The following KCNJ12 variants were observed in gnomAD, a reference collection of about 807,000 sequenced individuals.
KCNJ12 encodes the protein potassium inwardly rectifying channel subfamily J member 12.
KCNJ12 carries 2 observed loss-of-function variants against 22.3 expected under a neutral mutation model. The observed-to-expected ratio is 0.09, with a 90% CI of 0.04 to 0.28. KCNJ12 has a LOEUF of 0.28. Among genes scored for constraint, KCNJ12 ranks in the 10% least tolerant of loss-of-function variants. KCNJ12 has a pLI of 1.00. For synonymous variants in KCNJ12, 117 were observed against 261.4 expected, an observed-to-expected ratio of 0.45 and a Z score of 5.33; for missense variants, 155 against 633.3, an observed-to-expected ratio of 0.24 and a Z score of 8.11.
chr17:21,415,774 C>T lies in KCNJ12; in HGVS notation c.432C>T (p.Ile144=), dbSNP rs555222028. 1.1e-5 allele frequency: 18 copies of T among 1,613,254 alleles called. No homozygotes were observed. Among genetic ancestry groups the T allele is most frequent in the South Asian group, 7.7e-5 (7 of 91,058 alleles). ...FLFSIETQTT[I]GYGLRCVTEE... ...TCTCCATCGAGACGCAGACCACCAT[C>T]GGCTACGGGCTGCGCTGTGTGACGG... The change falls in exon 3 of 3, where the codon ATC becomes ATT. Residue 144 remains isoleucine, a synonymous_variant. Transcript: ENST00000583088.
intron 1 of KCNJ12, among the ~76,000 whole-genome samples, chr17:21,382,156 A>G (rs903449258): frequency 2.6e-5 from 4 of 152,092 alleles, no homozygotes; most frequent in African/African-American, 9.7e-5. Flanking sequence ...GGAGTGCTTT[A>G]TATCTGTACC....
intron 2 of KCNJ12, among the ~76,000 whole-genome samples, chr17:21,409,425 C>T (rs1466873868): frequency 1.3e-5 from 2 of 152,302 alleles, no homozygotes; most frequent in African/African-American, 4.8e-5. Context: ...AAGGTTCCAG[C>T]GCAAGTAGTT....
chr17:21,382,910 G>A (rs781826362), intron 1 of KCNJ12, among the ~76,000 whole-genome samples: 18 of 152,236 alleles, frequency 1.2e-4, no homozygotes, highest in South Asian at 2.1e-4. Flanking sequence ...ACAGGAGGGT[G>A]CGACGTGACA....
intron 1 of KCNJ12, among the ~76,000 whole-genome samples, chr17:21,397,945 G>A (rs1043782242): frequency 2.6e-5 from 4 of 152,164 alleles, no homozygotes; most frequent in Admixed American, 1.3e-4. Flanking sequence ...TTTGTGCTCA[G>A]TGGTTTGGTT....
intron 1 of KCNJ12, among the ~76,000 whole-genome samples, chr17:21,396,808 G>T (rs1905382046): frequency 1.3e-5 from 2 of 152,224 alleles, no homozygotes; most frequent in South Asian, 2.1e-4. Flanking sequence ...CAGGTTTGGG[G>T]CCCACCGTGG....
At chr17:21,397,938 G>A (rs1555560078) in intron 1 of KCNJ12, among the ~76,000 whole-genome samples, 1 of 152,156 alleles carries the variant, frequency 6.6e-6, no homozygotes, top group East Asian at 1.9e-4. Flanking sequence ...CAGCCTCTTT[G>A]TGCTCAGTGG....
intron 1 of KCNJ12, among the ~76,000 whole-genome samples, chr17:21,381,211 G>A (rs1244124542): frequency 6.6e-6 from 1 of 152,102 alleles, no homozygotes; most frequent in Non-Finnish European, 1.5e-5. Flanking sequence ...TCCTGCTTGG[G>A]CAGCCAAAGC....
rs576764628 is a variant in KCNJ12, at chr17:21,403,488, A to G, written c.-178-5031A>G. On this transcript the variant is annotated intron_variant, in intron 1 of 2. Transcript: ENST00000583088. ...ACCTTGTGTCCTTGCTCTCCTGTGCACATGCTGGCTGCTCAGGACATGTCT... is the reference window on the plus strand; with the variant it reads ...ACCTTGTGTCCTTGCTCTCCTGTGCGCATGCTGGCTGCTCAGGACATGTCT... Among the ~76,000 whole-genome samples the G allele has an allele frequency of 5.9e-5, 9 of 152,352 alleles. No individual in the cohort carries two copies. The South Asian group carries it at 1.7e-3, about 28-fold the overall frequency.
intron 1 of KCNJ12, among the ~76,000 whole-genome samples, chr17:21,404,810 G>A (rs568419535): frequency 3.3e-5 from 5 of 152,184 alleles, no homozygotes; most frequent in African/African-American, 9.7e-5. Flanking sequence ...TAGAAATACC[G>A]TCAGAAACAT....
chr17:21,378,731 G>C (rs1044253452), intron 1 of KCNJ12, among the ~76,000 whole-genome samples: 2 of 152,070 alleles, frequency 1.3e-5, no homozygotes, highest in Non-Finnish European at 2.9e-5. Context: ...TCCCCTCCCA[G>C]GGGAGGGCAT....
At chr17:21,389,596 G>C (rs1286566502) in intron 1 of KCNJ12, among the ~76,000 whole-genome samples, 1 of 152,182 alleles carries the variant, frequency 6.6e-6, no homozygotes, top group Non-Finnish European at 1.5e-5. Flanking sequence ...CCAGTCCTGA[G>C]GGGGAAGCAG....
intron 1 of KCNJ12, among the ~76,000 whole-genome samples, chr17:21,391,638 C>T (rs1285052845): frequency 6.6e-6 from 1 of 152,260 alleles, no homozygotes; most frequent in African/African-American, 2.4e-5. Flanking sequence ...CAGGCATCTT[C>T]CCCTGCACAC....
intron 1 of KCNJ12, among the ~76,000 whole-genome samples, chr17:21,390,878 T>C (rs1352035212): frequency 2.0e-5 from 3 of 152,240 alleles, no homozygotes; most frequent in African/African-American, 7.2e-5. Flanking sequence ...ATTTAGTGCA[T>C]TCACACTGTC....
At chr17:21,408,935 C>A (rs1172926539) in intron 2 of KCNJ12, among the ~76,000 whole-genome samples, 1 of 152,312 alleles carries the variant, frequency 6.6e-6, no homozygotes, top group African/African-American at 2.4e-5. Flanking sequence ...CCCCTATCGT[C>A]CACCCACCCA....
chr17:21,400,185 C>T (rs1206770679), intron 1 of KCNJ12, among the ~76,000 whole-genome samples: 1 of 152,222 alleles, frequency 6.6e-6, no homozygotes, highest in African/African-American at 2.4e-5. Flanking sequence ...CCCACCCCAC[C>T]TGGGTGGGCT....
intron 1 of KCNJ12, among the ~76,000 whole-genome samples, chr17:21,392,777 A>G (rs1460430973): frequency 6.6e-6 from 1 of 152,166 alleles, no homozygotes; most frequent in Non-Finnish European, 1.5e-5. Context: ...AGGGAGGTGG[A>G]TGGTGGAGAC....
chr17:21,412,108 T>C (rs1906387244), intron 2 of KCNJ12, among the ~76,000 whole-genome samples: 2 of 152,300 alleles, frequency 1.3e-5, no homozygotes, highest in African/African-American at 4.8e-5. Flanking sequence ...AACTCTCTCT[T>C]CTGCTCAGTT....
intron 2 of KCNJ12, among the ~76,000 whole-genome samples, chr17:21,411,196 C>A (rs568728905): frequency 6.4e-3 from 975 of 151,802 alleles, no homozygotes; most frequent in African/African-American, 0.022. Context: ...ATGGGGCATC[C>A]AGTTCCATCC....
In KCNJ12 at chr17:21,417,377, G is replaced by C. The variant is rs1415253872; in HGVS notation, c.*733G>C. On this transcript the variant is annotated 3_prime_UTR_variant, in exon 3 of 3. Coordinates refer to ENST00000583088, the MANE Select transcript of KCNJ12 (RefSeq NM_021012.5). ...AAAAGCTTTCTACTGTCGTTGGGGT[G>C]GTGGGTGGGGCTGGGAAGAAACTGG... 1 of 167,080 alleles carries C rather than the reference G, an allele frequency of 6.0e-6. No individual in the cohort carries two copies. The highest frequency in any genetic ancestry group is 2.4e-5 in the African/African-American group (1 of 41,458). 10.3% of individuals were successfully genotyped at this position (167,080 alleles called of 1,614,324 possible). A position where few individuals can be genotyped will look rare whatever the true frequency, so the allele number is the denominator to read the frequency against.
Sources: gnomAD v4.1 joint callset for allele counts (sites outside exome capture counted in the v4.1 genomes callset) on GRCh38, gnomAD v4.1.1 for gene constraint, MANE v1.5 for transcripts, NCBI Gene and HGNC (gene_info 2026-07-23, HGNC 2026-07-21) for gene names.